ABR: variants seen among roughly 807,000 people sequenced by gnomAD.
ABR encodes the protein active breakpoint cluster region-related protein.
ABR carries 35 observed loss-of-function variants against 107.2 expected under a neutral mutation model. The ratio of observed to expected loss-of-function variants is 0.33; its 90% confidence interval spans 0.25 to 0.43. The LOEUF is 0.43. ABR is among the 20% of genes least tolerant of loss of function. The pLI is 1.00. For missense variants in ABR, 815 were observed against 1,115.2 expected (o/e 0.73, Z 3.83); for synonymous variants, 498 against 462.0 (o/e 1.08, Z -1.00).
rs774159226 is a variant in ABR at position 1,092,174 on chromosome 17, C to G, written c.346-324G>C. On this transcript the variant is annotated intron_variant, in intron 3 of 22. Transcript: ENST00000302538. This position sits in a 1 kb window ranked among gnomAD's most constrained non-coding sequence, Gnocchi z 4.6. ...GATCCGCGTCTTTCTTCCACGATAG[C>G]CTGTGCCCCGAGTCATAAGCTCCTT... is the stretch of plus-strand genomic sequence containing the variant. Among the ~76,000 whole-genome samples, 1 of 152,304 alleles carries G rather than the reference C, an allele frequency of 6.6e-6. No homozygotes were observed. The highest frequency in any genetic ancestry group is 2.1e-4 in the South Asian group (1 of 4,830).
intron 16 of ABR, among the ~76,000 whole-genome samples, chr17:1,042,076 G>A (rs113966032): frequency 1.7e-3 from 261 of 152,326 alleles, no homozygotes; most frequent in African/African-American, 6.1e-3. Flanking sequence ...GAGAGAAGGA[G>A]GCTGTGCTGT....
chr17:1,125,596 C>G (rs911651864), intron 1 of ABR: 30 of 375,226 alleles, frequency 8.0e-5, no homozygotes, highest in African/African-American at 6.0e-4. Context: ...CGGGGAGGAG[C>G]GGCTCTGCTG....
chr17:1,125,703 A>G, intron 1 of ABR: 1 of 328,200 alleles, frequency 3.0e-6, no homozygotes, highest in Non-Finnish European at 5.5e-6. Flanking sequence ...CAGTGGGAGC[A>G]AGAGGCAGGA....
chr17:1,088,337 G>A (rs527518425), intron 4 of ABR, among the ~76,000 whole-genome samples: 4 of 152,240 alleles, frequency 2.6e-5, no homozygotes, highest in South Asian at 4.2e-4. Context: ...CAGGTGAGCA[G>A]GCAGTGATGA....
At chr17:1,135,050 G>T (rs917594150) in intron 1 of ABR, among the ~76,000 whole-genome samples, 2 of 152,254 alleles carry the variant, frequency 1.3e-5, no homozygotes, top group African/African-American at 4.8e-5. Context: ...TGAAAGCTGT[G>T]TGGGTGCCTG....
chr17:1,160,894 G>T (rs1385261338), intron 1 of ABR, among the ~76,000 whole-genome samples: 1 of 152,250 alleles, frequency 6.6e-6, no homozygotes, highest in Admixed American at 6.5e-5. Context: ...CCCAAGGTGG[G>T]ACGCCCGTGC....
intron 1 of ABR, among the ~76,000 whole-genome samples, chr17:1,213,306 C>T (rs1289802866): frequency 1.3e-5 from 2 of 152,126 alleles, no homozygotes; most frequent in African/African-American, 4.8e-5. Context: ...AACTAAGGGG[C>T]ATCCAAAGAG....
At chr17:1,195,104 G>C (rs1471554313) in intron 1 of ABR, among the ~76,000 whole-genome samples, 1 of 142,154 alleles carries the variant, frequency 7.0e-6, no homozygotes, top group East Asian at 2.5e-4. Context: ...TCAGGAGATC[G>C]AGACCATCCT....
chr17:1,151,234 C>T (rs985330095), intron 1 of ABR, among the ~76,000 whole-genome samples: 2 of 152,186 alleles, frequency 1.3e-5, no homozygotes, highest in African/African-American at 4.8e-5. Context: ...ACCTCAGAAG[C>T]TCAGCAAGTC....
intron 1 of ABR, among the ~76,000 whole-genome samples, chr17:1,142,472 C>CTAG (rs2040323855): frequency 6.6e-6 from 1 of 151,954 alleles, no homozygotes. Flanking sequence ...GTAATCCCAG[C>CTAG]TACTCGGGGG....
chr17:1,114,169 C>CA (rs72267709), intron 2 of ABR, among the ~76,000 whole-genome samples: 21,939 of 131,400 alleles, frequency 0.17, 1,883 homozygotes, highest in Middle Eastern at 0.29. Flanking sequence ...GACCCTGTCT[C>CA]AAAAAAAAAA....
rs139443840 is a variant in ABR, at chr17:1,156,159, A to G, written c.61+23508T>C. The G allele has an allele frequency of 8.9e-3, 1,356 of 152,342 alleles. 9 individuals are homozygous for G. Among genetic ancestry groups the G allele is most frequent in the Non-Finnish European group, 0.016 (1,117 of 68,124 alleles). The allele number at this position is 152,342 out of a possible 1,614,324, so 9.4% of individuals were successfully genotyped here. ...ACACCCATGCCCACCAGCCTACACC[A>G]GAGGGCAGACGGGTATCTAAGGGGC... is the stretch of plus-strand genomic sequence containing the variant. On this transcript the variant is annotated intron_variant, in intron 1 of 22. Coordinates refer to ENST00000302538, the MANE Select transcript of ABR (RefSeq NM_021962.5).
At chr17:1,053,534 T>G (rs561584512) in intron 14 of ABR, among the ~76,000 whole-genome samples, 2 of 152,222 alleles carry the variant, frequency 1.3e-5, no homozygotes, top group Admixed American at 1.3e-4. Flanking sequence ...CTCCCCAGGT[T>G]CCTGTCTGCA....
intron 1 of ABR, among the ~76,000 whole-genome samples, chr17:1,126,158 G>A (rs185384280): frequency 4.1e-4 from 63 of 152,342 alleles, no homozygotes; most frequent in Non-Finnish European, 8.4e-4. Flanking sequence ...AGGGGAGGCT[G>A]AGCCAGTGCA....
At chr17:1,023,604 A>T (rs1246573086) in intron 16 of ABR, among the ~76,000 whole-genome samples, 2 of 152,226 alleles carry the variant, frequency 1.3e-5, no homozygotes, top group Non-Finnish European at 2.9e-5. Context: ...TCAGAGGTCA[A>T]AGTCCAAGAT....
rs899171175 is a variant in ABR at position 1,058,990 on chromosome 17, T to C, written c.1183-123A>G. 7.0e-6 allele frequency: 10 copies of C among 1,422,466 alleles called. No individual in the cohort carries two copies. The African/African-American group carries it at 1.3e-4, about 18-fold the overall frequency. The allele number at this position is 1,422,466 out of a possible 1,614,324, so 88.1% of individuals were successfully genotyped here. ...TACATTTTCCGTATTTCGTGATGTTTTGACATCTTGTGGCAGGAGAGGCGG... is the reference window on the plus strand; with the variant it reads ...TACATTTTCCGTATTTCGTGATGTTCTGACATCTTGTGGCAGGAGAGGCGG... On this transcript the variant is annotated intron_variant, in intron 10 of 22. Coordinates refer to ENST00000302538, the MANE Select transcript of ABR (RefSeq NM_021962.5).
At chr17:1,024,224 T>G (rs2071984494) in intron 16 of ABR, among the ~76,000 whole-genome samples, 1 of 152,056 alleles carries the variant, frequency 6.6e-6, no homozygotes, top group South Asian at 2.1e-4. Context: ...TCACGTTCAG[T>G]GGCGTCGTCG....
intron 16 of ABR, among the ~76,000 whole-genome samples, chr17:1,026,600 C>T (rs572039324): frequency 9.2e-5 from 14 of 152,250 alleles, no homozygotes; most frequent in African/African-American, 3.1e-4. Flanking sequence ...CTCTCCAGGG[C>T]CCATCCTGGA....
chr17:1,150,150 A>G lies in ABR; in HGVS notation c.62-24783T>C, dbSNP rs1308131488. Among the ~76,000 whole-genome samples, 2 of 150,972 alleles carry G rather than the reference A, an allele frequency of 1.3e-5. No individual in the cohort carries two copies. The highest frequency in any genetic ancestry group is 2.1e-4 in the South Asian group (1 of 4,764). Reference sequence around the variant, plus strand: ...GCCCGGTGTCTTCTCAAGGGCTGACACACTTCTCAAAGCGCTGAGATTACA... The same window carrying G: ...GCCCGGTGTCTTCTCAAGGGCTGACGCACTTCTCAAAGCGCTGAGATTACA... On this transcript the variant is annotated intron_variant, in intron 1 of 22. Coordinates refer to ENST00000302538, the MANE Select transcript of ABR (RefSeq NM_021962.5). This position sits in a 1 kb window ranked among gnomAD's most constrained non-coding sequence, Gnocchi z 4.8.
Sources: gnomAD v4.1 joint callset for allele counts (sites outside exome capture counted in the v4.1 genomes callset) on GRCh38, gnomAD v4.1.1 for gene constraint, Gnocchi (gnomAD v3.1) non-coding constraint, MANE v1.5 for transcripts, NCBI Gene and HGNC (gene_info 2026-07-23, HGNC 2026-07-21) for gene names.